ALDH16A1: variants seen among roughly 807,000 people sequenced by gnomAD.
The protein encoded by ALDH16A1 is aldehyde dehydrogenase 16 family member A1, also known as aldehyde dehydrogenase family 16 member A1.
In ALDH16A1, 88 loss-of-function variants were observed where a neutral mutation model predicts 96.1. The observed-to-expected ratio is 0.92, with a 90% CI of 0.77 to 1.09. The LOEUF is 1.09. ALDH16A1 is among the 50% of genes least tolerant of loss of function. ALDH16A1 has a pLI of 0.00. For synonymous variants in ALDH16A1, 522 were observed against 496.4 expected, an observed-to-expected ratio of 1.05 and a Z score of -0.69; for missense variants, 1,250 against 1,112.6, an observed-to-expected ratio of 1.12 and a Z score of -1.76.
chr19:49,453,450 G>T (rs374434658), intron 1 of ALDH16A1, 29 bp downstream of exon 1: 26 of 1,507,358 alleles, frequency 1.7e-5, no homozygotes, highest in Non-Finnish European at 2.3e-5. Context: ...GGCGCTGCTC[G>T]CTGCGTTCCC....
At chr19:49,462,528 G>C (rs751753390) in intron 7 of ALDH16A1, 42 bp from the exon 8 acceptor site, 2 of 1,584,618 alleles carry the variant, frequency 1.3e-6, no homozygotes, top group Non-Finnish European at 1.7e-6. Flanking sequence ...CAACTTGCTA[G>C]AGTGCAATGG....
chr19:49,453,440 G>C lies in ALDH16A1; in HGVS notation c.90+19G>C, dbSNP rs1180684556. ...CGCACTGGTGAGAGTCTGCCCGGCC[G>C]GCGCTGCTCGCTGCGTTCCCCAGGC... On this transcript the variant is annotated intron_variant, in intron 1 of 16. Transcript: ENST00000293350. 6.0e-6 allele frequency: 9 copies of C among 1,512,282 alleles called. No homozygotes were observed. The highest frequency in any genetic ancestry group is 8.0e-6 in the Non-Finnish European group (9 of 1,124,334). 93.7% of individuals were successfully genotyped at this position (1,512,282 alleles called of 1,614,324 possible).
rs752619361 is a variant in ALDH16A1, at chr19:49,462,055, C to G, written c.912+19C>G. 6 of 1,534,254 alleles carry G rather than the reference C, an allele frequency of 3.9e-6. No individual in the cohort carries two copies. The highest frequency in any genetic ancestry group is 5.2e-6 in the Non-Finnish European group (6 of 1,145,786). On this transcript the variant is annotated intron_variant, in intron 7 of 16. Coordinates refer to ENST00000293350, the MANE Select transcript of ALDH16A1 (RefSeq NM_153329.4). ...CGGCCCGGTGAGACCCGTGCGCTCC[C>G]GTCTCCTCATACCCTGGAGGCCGTT...
chr19:49,466,088 G>C lies in ALDH16A1; in HGVS notation c.1743G>C (p.Ala581=). 1 of 1,542,828 alleles carries C rather than the reference G, an allele frequency of 6.5e-7. No individual in the cohort carries two copies. The change falls in exon 14 of 17, where the codon GCG becomes GCC. Residue 581 remains alanine (A), a synonymous_variant. Transcript: ENST00000293350. ...EAAHQAFPGW[A]GQSPGARAAL... ...GTGCGCTGTCTGCCCACAGCTGGGC[G>C]GGCCAGTCCCCAGGAGCCCGGGCAG...
chr19:49,457,582 G>A (rs984029212), intron 1 of ALDH16A1, among the ~76,000 whole-genome samples: 1 of 151,144 alleles, frequency 6.6e-6, no homozygotes. Flanking sequence ...AAGAAATATG[G>A]AGGAGATGTG....
Position 49,466,136 on chromosome 19 carries a change from T to A in ALDH16A1, c.1791T>A (p.Ala597=), listed in dbSNP as rs1269107660. 1 of 1,556,804 alleles carries A rather than the reference T, an allele frequency of 6.4e-7. No individual in the cohort carries two copies. The highest frequency in any genetic ancestry group is 8.7e-7 in the Non-Finnish European group (1 of 1,153,468). ...CAGCCCTGCTGTGGGCCCTGGCGGC[T>A]GCACTGGAGCGCCGGAAGTCTACCC... ...ARAALLWALA[A]ALERRKSTLA... Residue 597 remains alanine (A), a synonymous_variant, in exon 14 of 17, where the codon GCT becomes GCA. Coordinates refer to ENST00000293350, the MANE Select transcript of ALDH16A1 (RefSeq NM_153329.4).
chr19:49,466,326 T>G lies in ALDH16A1; in HGVS notation c.1938+43T>G, dbSNP rs200346126. ...ACCTGGGCCAGCTGGGCAGGCGGGG[T>G]GGGGCTCAGACCAGAGGCTGTGAGA... On this transcript the variant is annotated intron_variant, in intron 14 of 16. Transcript: ENST00000293350. 5.3e-3 allele frequency: 7,570 copies of G among 1,422,436 alleles called. 340 individuals carry two copies. In the African/African-American group the frequency reaches 0.096, roughly 18 times the overall value. The allele number at this position is 1,422,436 out of a possible 1,614,324, so 88.1% of individuals were successfully genotyped here. A position where few individuals can be genotyped will look rare whatever the true frequency, so the allele number is the denominator to read the frequency against.
At chr19:49,467,984 C>A (rs911259167) in intron 14 of ALDH16A1, among the ~76,000 whole-genome samples, 1 of 150,818 alleles carries the variant, frequency 6.6e-6, no homozygotes, top group African/African-American at 2.4e-5. Flanking sequence ...GAAACCCCGT[C>A]TCTACTAAAT....
At chr19:49,457,005 G>T (rs1439138496) in intron 1 of ALDH16A1, among the ~76,000 whole-genome samples, 1 of 152,064 alleles carries the variant, frequency 6.6e-6, no homozygotes. Flanking sequence ...CTACTTGGGA[G>T]GCTGAGGTAG....
chr19:49,469,073 G>C, intron 16 of ALDH16A1, 87 bp downstream of exon 16: 8 of 1,511,928 alleles, frequency 5.3e-6, no homozygotes, highest in Non-Finnish European at 6.2e-6. Flanking sequence ...CGCCCTCTTA[G>C]AACTCCTGTT....
In ALDH16A1 at chr19:49,468,659, C is replaced by T. The variant is rs2079220040; in HGVS notation, c.2124+93C>T. 6.7e-7 allele frequency: 1 copy of T among 1,492,738 alleles called. No individual in the cohort carries two copies. The highest frequency in any genetic ancestry group is 9.0e-7 in the Non-Finnish European group (1 of 1,105,568). The allele number at this position is 1,492,738 out of a possible 1,614,324, so 92.5% of individuals were successfully genotyped here. The stretch of plus-strand genomic sequence containing the variant: ...GTCGGCAGGAGCTTGTCTCTTACCC[C>T]ACCCTCCGTGGTACCCATGCTGCCC... On this transcript the variant is annotated intron_variant, in intron 15 of 16. Transcript: ENST00000293350. This position sits in a 1 kb window ranked among gnomAD's most constrained non-coding sequence, Gnocchi z 4.4.
At chr19:49,453,551 C>T (rs576826453) in intron 1 of ALDH16A1, 130 bp downstream of exon 1, 5 of 892,226 alleles carry the variant, frequency 5.6e-6, no homozygotes, top group South Asian at 1.7e-5. Flanking sequence ...GTGATTCCCG[C>T]CGCCCAATAG....
chr19:49,458,921 C>T (rs2079120931), intron 2 of ALDH16A1, 39 bp from the exon 3 acceptor site: 3 of 1,598,148 alleles, frequency 1.9e-6, no homozygotes, highest in Non-Finnish European at 2.6e-6. Flanking sequence ...ATGACATGGG[C>T]TACTCCTCCC....
In ALDH16A1 at chr19:49,466,107, C is replaced by T. The variant is rs1005242135; in HGVS notation, c.1762C>T (p.Arg588Trp). ...PGWAGQSPGA[R>W]AALLWALAAA... is the part of the protein sequence containing the mutation. ...CTGGGCGGGCCAGTCCCCAGGAGCC[C>T]GGGCAGCCCTGCTGTGGGCCCTGGC... The change falls in exon 14 of 17, where the codon CGG becomes TGG. Residue 588 changes from arginine (R) to tryptophan (W), a missense_variant. Coordinates refer to ENST00000293350, the MANE Select transcript of ALDH16A1 (RefSeq NM_153329.4). The T allele has an allele frequency of 1.2e-5, 18 of 1,548,192 alleles. No homozygotes were observed. Among genetic ancestry groups the T allele is most frequent in the African/African-American group, 5.4e-5 (4 of 73,534 alleles).
intron 12 of ALDH16A1, 116 bp downstream of exon 12, chr19:49,464,878 T>C: frequency 6.7e-7 from 1 of 1,498,144 alleles, no homozygotes; most frequent in South Asian, 1.2e-5. Flanking sequence ...CTCTTAGTCC[T>C]GCTGAGTACC....
Position 49,468,352 on chromosome 19 carries a change from C to T in ALDH16A1, c.1939-29C>T. 4 of 1,592,726 alleles carry T rather than the reference C, an allele frequency of 2.5e-6. No homozygotes were observed. Among genetic ancestry groups the T allele is most frequent in the Non-Finnish European group, 3.4e-6 (4 of 1,176,556 alleles). ...ATTTACTGCGGGCGGGGCTCCCCTG[C>T]CCCACACGTGACCCACCTGTCCCTG... On this transcript the variant is annotated intron_variant, in intron 14 of 16. Coordinates refer to ENST00000293350, the MANE Select transcript of ALDH16A1 (RefSeq NM_153329.4). The surrounding 1 kb of genome is among the most constrained non-coding windows in gnomAD (Gnocchi z 4.4).
Position 49,468,637 on chromosome 19 carries a change from G to T in ALDH16A1, c.2124+71G>T. ...CAGCAGAAAAAGGCGCCCCAAAGTC[G>T]GCAGGAGCTTGTCTCTTACCCCACC... On this transcript the variant is annotated intron_variant, in intron 15 of 16. Transcript: ENST00000293350. This position sits in a 1 kb window ranked among gnomAD's most constrained non-coding sequence, Gnocchi z 4.4. 4.5e-6 allele frequency: 7 copies of T among 1,551,694 alleles called. No homozygotes were observed. The Admixed American group carries it at 7.0e-5, about 16-fold the overall frequency.
In ALDH16A1 at chr19:49,460,918, G is replaced by T; in HGVS notation, c.577+19G>T. ...GCTGTGGGTAAATGATGGCCTGGGG[G>T]GTCCTGACTCTTGGGTCTGAGAAAG... On this transcript the variant is annotated intron_variant, in intron 5 of 16. Transcript: ENST00000293350. 1.2e-6 allele frequency: 2 copies of T among 1,609,330 alleles called. No homozygotes were observed. Among genetic ancestry groups the T allele is most frequent in the Non-Finnish European group, 1.7e-6 (2 of 1,176,750 alleles).
In ALDH16A1 at chr19:49,465,645, C is replaced by T. The variant is rs569470807; in HGVS notation, c.1569-93C>T. On this transcript the variant is annotated intron_variant, in intron 12 of 16. Transcript: ENST00000293350. ...GGGTTTGGGGTGCCCCAGAGGCTCACGGGAGCCAAGGCAGTCTTCCCAGTG... is the reference window on the plus strand; with the variant it reads ...GGGTTTGGGGTGCCCCAGAGGCTCATGGGAGCCAAGGCAGTCTTCCCAGTG... 4 of 1,442,210 alleles carry T rather than the reference C, an allele frequency of 2.8e-6. No individual in the cohort carries two copies. The South Asian group carries it at 4.0e-5, about 14-fold the overall frequency. The allele number at this position is 1,442,210 out of a possible 1,614,324, so 89.3% of individuals were successfully genotyped here.
Sources: allele counts gnomAD v4.1 joint callset (sites outside exome capture counted in the v4.1 genomes callset), GRCh38; gene constraint gnomAD v4.1.1; non-coding constraint Gnocchi (gnomAD v3.1); transcripts MANE v1.5; gene names NCBI Gene and HGNC (gene_info 2026-07-23, HGNC 2026-07-21).